RALB: variants seen among roughly 807,000 people sequenced by gnomAD.
RALB encodes the protein ras-related protein Ral-B.
Under a neutral mutation model 21.3 loss-of-function variants are expected in RALB, and 16 were observed. The observed-to-expected ratio is 0.75, with a 90% CI of 0.51 to 1.14. The LOEUF (loss-of-function observed/expected upper bound fraction) is 1.14. RALB is among the 50% of genes most tolerant of loss of function. The pLI is 0.00. For missense variants in RALB, 161 were observed against 256.2 expected, an observed-to-expected ratio of 0.63 and a Z score of 2.54; for synonymous variants, 93 against 96.1, an observed-to-expected ratio of 0.97 and a Z score of 0.19.
At chr2:120,246,423 C>T (rs1688972045) in intron 1 of RALB, among the ~76,000 whole-genome samples, 1 of 152,206 alleles carries the variant, frequency 6.6e-6, no homozygotes, top group East Asian at 1.9e-4. Context: ...GACCTCTTGA[C>T]TCTCTGAGAC....
At chr2:120,252,845 G>T (rs896228968), upstream of RALB, 5 of 985,656 alleles carry the variant, frequency 5.1e-6, no homozygotes, top group Middle Eastern at 5.2e-4. Context: ...GCGCGCTCGG[G>T]GGGTGGGAAA....
At chr2:120,245,194 G>T (rs940444364) in intron 1 of RALB, among the ~76,000 whole-genome samples, 1 of 152,242 alleles carries the variant, frequency 6.6e-6, no homozygotes, top group African/African-American at 2.4e-5. Flanking sequence ...TAACCTGTTA[G>T]AGGTCACACA....
Position 120,278,664 on chromosome 2 carries a change from G to C in RALB, c.-1G>C, listed in dbSNP as rs763851556. On this transcript the variant is annotated 5_prime_UTR_variant, in exon 2 of 5. Transcript: ENST00000272519. ...TGTCACAGCCTCAGAAGACCAGCGA[G>C]ATGGCTGCCAACAAGAGTAAGGGCC... The C allele has an allele frequency of 6.3e-7, 1 of 1,593,612 alleles. No homozygotes were observed. Among genetic ancestry groups the C allele is most frequent in the South Asian group, 1.1e-5 (1 of 87,946 alleles).
chr2:120,289,485 TGCC>T, intron 3 of RALB, 92 bp from the exon 4 acceptor site: 2 of 1,292,790 alleles, frequency 1.5e-6, no homozygotes, highest in African/African-American at 1.5e-5. Flanking sequence ...TTTTTCCTTC[TGCC>T]TTAGGAAAGC....
intron 2 of RALB, 142 bp from the exon 3 acceptor site, chr2:120,285,732 A>AAAG: frequency 1.5e-6 from 1 of 665,172 alleles, no homozygotes; most frequent in Non-Finnish European, 2.6e-6. Flanking sequence ...ACAGAGCTAT[A>AAAG]AAGAACAGAA....
intron 3 of RALB, 56 bp downstream of exon 3, chr2:120,286,138 A>G (rs140727201): frequency 0.023 from 34,625 of 1,475,664 alleles, 486 homozygotes; most frequent in Non-Finnish European, 0.028. Context: ...CTTTTCTCAT[A>G]TGTCTTAGGC....
intron 4 of RALB, among the ~76,000 whole-genome samples, chr2:120,291,403 C>T (rs774050385): frequency 5.9e-5 from 9 of 152,044 alleles, no homozygotes; most frequent in Non-Finnish European, 1.3e-4. Context: ...CTGTGGAAAC[C>T]ACACAGGAAA....
chr2:120,289,046 A>T (rs1053943344), intron 3 of RALB, among the ~76,000 whole-genome samples: 1 of 152,128 alleles, frequency 6.6e-6, no homozygotes, highest in Non-Finnish European at 1.5e-5. Context: ...ATTTCACTGC[A>T]GGGGGGAGAA....
chr2:120,281,103 C>A lies in RALB; in HGVS notation c.114+2325C>A, dbSNP rs192831740. Among the ~76,000 whole-genome samples, 716 of 152,270 alleles carry A rather than the reference C, an allele frequency of 4.7e-3. 1 individual carries two copies. The highest frequency in any genetic ancestry group is 8.0e-3 in the Non-Finnish European group (544 of 68,022). ...CAGCTGAGTCCTCTGCTCAGAGTCC[C>A]ACAAGACTCCACTCAAGGTGTCAGC... On this transcript the variant is annotated intron_variant, in intron 2 of 4. Coordinates refer to ENST00000272519, the MANE Select transcript of RALB (RefSeq NM_002881.3).
At chr2:120,271,267 T>A (rs17050061) in intron 1 of RALB, among the ~76,000 whole-genome samples, 1 of 152,220 alleles carries the variant, frequency 6.6e-6, no homozygotes, top group African/African-American at 2.4e-5. Flanking sequence ...TACATTTTAC[T>A]TCTCAAGTGA....
chr2:120,243,724 C>T (rs1381624089), intron 1 of RALB, among the ~76,000 whole-genome samples: 1 of 152,200 alleles, frequency 6.6e-6, no homozygotes, highest in Non-Finnish European at 1.5e-5. Context: ...AAAAATACAA[C>T]ATGCCCAGTT....
chr2:120,266,172 T>C (rs957901792), intron 1 of RALB, among the ~76,000 whole-genome samples: 4 of 152,210 alleles, frequency 2.6e-5, no homozygotes. Context: ...CCCAACACTT[T>C]GGGAGGCTGA....
At chr2:120,284,558 C>T (rs946070952) in intron 2 of RALB, among the ~76,000 whole-genome samples, 14 of 152,170 alleles carry the variant, frequency 9.2e-5, no homozygotes, top group African/African-American at 2.7e-4. Flanking sequence ...ACCACCATAC[C>T]TGGCTAATCT....
At chr2:120,277,450 ATG>A (rs571763531) in intron 1 of RALB, among the ~76,000 whole-genome samples, 119 of 102,128 alleles carry the variant, frequency 1.2e-3, no homozygotes, top group Middle Eastern at 0.012. Flanking sequence ...TGATATGAGC[ATG>A]TGTTAGAGCA....
intron 1 of RALB, among the ~76,000 whole-genome samples, chr2:120,268,305 C>T (rs1244107098): frequency 7.8e-6 from 1 of 127,648 alleles, no homozygotes; most frequent in African/African-American, 2.7e-5. Flanking sequence ...CTATCCTCGG[C>T]CTCCTTCCTG....
intron 1 of RALB, among the ~76,000 whole-genome samples, chr2:120,258,369 G>A (rs1307601877): frequency 6.6e-6 from 1 of 152,166 alleles, no homozygotes; most frequent in Admixed American, 6.5e-5. Context: ...TGAATGCAGT[G>A]TGTGTGTGTG....
At chr2:120,278,058 CGTGTGTGAGTGTGAGCAT>C (rs1415505906) in intron 1 of RALB, among the ~76,000 whole-genome samples, 2 of 133,414 alleles carry the variant, frequency 1.5e-5, no homozygotes, top group Non-Finnish European at 3.2e-5. Context: ...TGAATGTGAG[CGTGTGTGAGTGTGAGCAT>C]GTGTGTGAAT....
chr2:120,242,440 C>T (rs945003362), intron 1 of RALB, among the ~76,000 whole-genome samples: 6 of 152,188 alleles, frequency 3.9e-5, no homozygotes, highest in Admixed American at 1.3e-4. Context: ...TTAGGCCAGG[C>T]GCAGTGGCTC....
chr2:120,277,431 C>G (rs3933619), intron 1 of RALB, among the ~76,000 whole-genome samples: 104,969 of 151,102 alleles, frequency 0.69, 36,964 homozygotes, highest in Middle Eastern at 0.8. Context: ...GTTAGAGCCT[C>G]TGAGCCTGTG....
Sources: gnomAD v4.1 joint callset for allele counts (sites outside exome capture counted in the v4.1 genomes callset) on GRCh38, gnomAD v4.1.1 for gene constraint, MANE v1.5 for transcripts, NCBI Gene and HGNC (gene_info 2026-07-23, HGNC 2026-07-21) for gene names.